Variants in LINGO2 observed in about 807,000 individuals in gnomAD.
LINGO2 encodes the protein leucine rich repeat and Ig domain containing 2.
Under a neutral mutation model 30.6 loss-of-function variants are expected in LINGO2, and 14 were observed. That is an observed-to-expected ratio of 0.46 (90% CI 0.30 to 0.72). The LOEUF is 0.72. Ranked by LOEUF, LINGO2 falls within the 30% of genes least tolerant of loss-of-function variation. The pLI is 0.07. For synonymous variants in LINGO2, 317 were observed against 288.5 expected (o/e 1.10, Z -1.00); for missense variants, 729 against 751.7 (o/e 0.97, Z 0.35).
chr9:28,561,835 G>A (rs1405357774), intron 1 of LINGO2, among the ~76,000 whole-genome samples: 1 of 144,854 alleles, frequency 6.9e-6, no homozygotes, highest in Non-Finnish European at 1.5e-5. Flanking sequence ...AAGGATTTAA[G>A]CTTCACACTC....
At chr9:28,275,490 C>G (rs896272844) in intron 4 of LINGO2, among the ~76,000 whole-genome samples, 8 of 152,150 alleles carry the variant, frequency 5.3e-5, no homozygotes, top group Admixed American at 3.3e-4. Flanking sequence ...TGGCCTCATC[C>G]TCCTTTATAC....
intron 4 of LINGO2, among the ~76,000 whole-genome samples, chr9:28,192,074 C>G (rs1479767752): frequency 6.6e-6 from 1 of 152,004 alleles, no homozygotes; most frequent in Non-Finnish European, 1.5e-5. Flanking sequence ...AAAGGAAACT[C>G]AGATTTAATA....
chr9:29,128,028 C>G, the LINGO2 span, among the ~76,000 whole-genome samples: 1 of 152,050 alleles, frequency 6.6e-6, no homozygotes, highest in South Asian at 2.1e-4. Context: ...GGCTGTCACT[C>G]TAGTGGAAGG....
chr9:28,811,697 T>G, the LINGO2 span, among the ~76,000 whole-genome samples: 3 of 152,290 alleles, frequency 2.0e-5, no homozygotes, highest in Non-Finnish European at 4.4e-5. Context: ...CATTCTAAAT[T>G]TAGCTTAAAT....
the LINGO2 span, among the ~76,000 whole-genome samples, chr9:29,201,336 G>GATAT: frequency 6.6e-6 from 1 of 152,006 alleles, no homozygotes; most frequent in East Asian, 1.9e-4. Flanking sequence ...GCCTTATAGA[G>GATAT]ATATAATTCA....
chr9:28,306,122 C>A (rs1053311123), intron 3 of LINGO2, among the ~76,000 whole-genome samples: 1 of 152,120 alleles, frequency 6.6e-6, no homozygotes, highest in Non-Finnish European at 1.5e-5. Context: ...GTAGGTTGCA[C>A]CTCTACTCTT....
At chr9:29,059,792 T>G in the LINGO2 span, among the ~76,000 whole-genome samples, 23 of 152,080 alleles carry the variant, frequency 1.5e-4, no homozygotes, top group Admixed American at 1.2e-3. Context: ...ATTTGTGACT[T>G]TGGGTTAAAC....
intron 3 of LINGO2, among the ~76,000 whole-genome samples, chr9:28,295,918 T>C (rs4481691): frequency 0.073 from 11,102 of 152,200 alleles, 729 homozygotes; most frequent in East Asian, 0.39. Context: ...GAGGGACATA[T>C]GTAAGGTGTT....
chr9:28,591,864 C>T (rs1824929845), intron 1 of LINGO2, among the ~76,000 whole-genome samples: 1 of 151,978 alleles, frequency 6.6e-6, no homozygotes, highest in Non-Finnish European at 1.5e-5. Context: ...TGTCAGTGCC[C>T]ACACTTGGCA....
the LINGO2 span, among the ~76,000 whole-genome samples, chr9:28,805,470 T>C: frequency 6.6e-6 from 1 of 152,172 alleles, no homozygotes; most frequent in East Asian, 1.9e-4. Flanking sequence ...TCCATGAATG[T>C]AACAGCCAGA....
At chr9:28,373,606 G>T (rs1034627819) in intron 2 of LINGO2, among the ~76,000 whole-genome samples, 1 of 152,118 alleles carries the variant, frequency 6.6e-6, no homozygotes, top group Non-Finnish European at 1.5e-5. Context: ...TGGGATTTAA[G>T]ATATGGATTC....
the LINGO2 span, among the ~76,000 whole-genome samples, chr9:28,893,936 G>T: frequency 6.8e-6 from 1 of 146,408 alleles, no homozygotes. Flanking sequence ...AGAGTGTGAT[G>T]TTCCCCTTCC....
At chr9:28,988,310 C>T in the LINGO2 span, among the ~76,000 whole-genome samples, 8 of 151,944 alleles carry the variant, frequency 5.3e-5, no homozygotes, top group Admixed American at 2.0e-4. Context: ...TTACAGTTTT[C>T]GACTTAAAGT....
chr9:28,391,852 G>C (rs1158754551), intron 2 of LINGO2, among the ~76,000 whole-genome samples: 25 of 152,036 alleles, frequency 1.6e-4, no homozygotes, highest in Admixed American at 1.6e-3. Flanking sequence ...AAATCTAATA[G>C]GGAAAAATAA....
chr9:28,907,558 G>A, the LINGO2 span, among the ~76,000 whole-genome samples: 1 of 151,726 alleles, frequency 6.6e-6, no homozygotes, highest in South Asian at 2.1e-4. Context: ...GAATGTTATT[G>A]TGAGATGATG....
At chr9:28,767,758 C>T in the LINGO2 span, among the ~76,000 whole-genome samples, 20 of 141,850 alleles carry the variant, frequency 1.4e-4, no homozygotes, top group Non-Finnish European at 2.5e-4. Context: ...TGCACTCCAG[C>T]CTGGGCAATA....
chr9:28,827,661 A>G, the LINGO2 span, among the ~76,000 whole-genome samples: 1 of 152,178 alleles, frequency 6.6e-6, no homozygotes, highest in African/African-American at 2.4e-5. Context: ...TACGTTGGGA[A>G]GCATATTTGG....
At chr9:29,211,368 GATA>G in the LINGO2 span, among the ~76,000 whole-genome samples, 2 of 152,168 alleles carry the variant, frequency 1.3e-5, no homozygotes, top group Admixed American at 1.3e-4. Context: ...ACACAGCACA[GATA>G]ATATCTGTTA....
intron 2 of LINGO2, among the ~76,000 whole-genome samples, chr9:28,391,849 A>G (rs1399337673): frequency 6.6e-6 from 1 of 152,188 alleles, no homozygotes; most frequent in African/African-American, 2.4e-5. Flanking sequence ...CAAAAATCTA[A>G]TAGGGAAAAA....
Sources: gnomAD v4.1 joint callset for allele counts (sites outside exome capture counted in the v4.1 genomes callset) on GRCh38, gnomAD v4.1.1 for gene constraint, MANE v1.5 for transcripts, NCBI Gene and HGNC (gene_info 2026-07-23, HGNC 2026-07-21) for gene names.